NUCKS1: variants seen among roughly 807,000 people sequenced by gnomAD.
NUCKS1 encodes the protein nuclear casein kinase and cyclin dependent kinase substrate 1.
In NUCKS1, 2 loss-of-function variants were observed where a neutral mutation model predicts 33.0. The ratio of observed to expected loss-of-function variants is 0.06; its 90% confidence interval spans 0.02 to 0.19. The LOEUF (loss-of-function observed/expected upper bound fraction) is 0.19, where lower values mean the gene tolerates loss of function less well. Among genes scored for constraint, NUCKS1 ranks in the 10% least tolerant of loss-of-function variants. The pLI, the probability that NUCKS1 is intolerant of heterozygous loss-of-function variation, is 1.00. For missense variants in NUCKS1, 201 were observed against 293.6 expected, an observed-to-expected ratio of 0.68 and a Z score of 2.31; for synonymous variants, 106 against 102.8, an observed-to-expected ratio of 1.03 and a Z score of -0.19.
In NUCKS1 at chr1:205,750,130, C is replaced by T. The variant is rs1654471907; in HGVS notation, c.-157G>A. 3.9e-6 allele frequency: 3 copies of T among 766,816 alleles called. No homozygotes were observed. Among genetic ancestry groups the T allele is most frequent in the Non-Finnish European group, 6.5e-6 (3 of 461,838 alleles). The allele number at this position is 766,816 out of a possible 1,614,324, so 47.5% of individuals were successfully genotyped here. A position where few individuals can be genotyped will look rare whatever the true frequency, so the allele number is the denominator to read the frequency against. On this transcript the variant is annotated 5_prime_UTR_variant, in exon 1 of 7. Coordinates refer to ENST00000367142, the MANE Select transcript of NUCKS1 (RefSeq NM_022731.5). ...TCTCAAACTCCGCTGCTCTTTGGTT[C>T]AGGGCTCCTGGAACAGACGAGCCCC...
intron 1 of NUCKS1, among the ~76,000 whole-genome samples, chr1:205,735,488 C>T (rs1654012036): frequency 6.6e-6 from 1 of 152,148 alleles, no homozygotes; most frequent in African/African-American, 2.4e-5. Context: ...ACTAACTCTT[C>T]AATGTAAAAT....
At chr1:205,732,908 C>T (rs1025050310) in intron 1 of NUCKS1, among the ~76,000 whole-genome samples, 1 of 151,606 alleles carries the variant, frequency 6.6e-6, no homozygotes, top group African/African-American at 2.4e-5. Flanking sequence ...TATGGAAATG[C>T]CTGCCATGTT....
rs1447741869 is a variant in NUCKS1 at position 205,723,993 on chromosome 1, G to C, written c.174-12C>G. The C allele has an allele frequency of 2.5e-6, 4 of 1,606,116 alleles. No homozygotes were observed. The South Asian group carries it at 4.4e-5, about 18-fold the overall frequency. On this transcript the variant is annotated splice_polypyrimidine_tract_variant and intron_variant, in intron 3 of 6. Coordinates refer to ENST00000367142, the MANE Select transcript of NUCKS1 (RefSeq NM_022731.5). ...CTTCTGAGTCCTCACTATAAAGGGA[G>C]GCAAAAAAGCAAATGCATAAAAGTC...
intron 3 of NUCKS1, 180 bp from the exon 4 acceptor site, chr1:205,724,161 A>T (rs1030817562): frequency 1.6e-6 from 1 of 636,724 alleles, no homozygotes; most frequent in Non-Finnish European, 2.9e-6. Context: ...GAATAAGCAC[A>T]ATTTTATTTA....
intron 1 of NUCKS1, among the ~76,000 whole-genome samples, chr1:205,745,807 A>G (rs1221987847): frequency 6.6e-6 from 1 of 152,206 alleles, no homozygotes; most frequent in Non-Finnish European, 1.5e-5. Context: ...GGTGATAAAG[A>G]AAAATACTTG....
In NUCKS1 at chr1:205,749,854, G is replaced by A; in HGVS notation, c.17+103C>T. ...GGCCCCGAAAGGGAGGAGGCCGCGCGCGGCACCGGGGATGGCGGACTCTAG... is the reference window on the plus strand; with the variant it reads ...GGCCCCGAAAGGGAGGAGGCCGCGCACGGCACCGGGGATGGCGGACTCTAG... On this transcript the variant is annotated intron_variant, in intron 1 of 6. Transcript: ENST00000367142. 8 of 1,282,974 alleles carry A rather than the reference G, an allele frequency of 6.2e-6. No individual in the cohort carries two copies. The South Asian group carries it at 9.0e-5, about 14-fold the overall frequency. The allele number at this position is 1,282,974 out of a possible 1,614,324, so 79.5% of individuals were successfully genotyped here.
At chr1:205,748,714 G>A (rs999250025) in intron 1 of NUCKS1, among the ~76,000 whole-genome samples, 1 of 152,060 alleles carries the variant, frequency 6.6e-6, no homozygotes, top group South Asian at 2.1e-4. Context: ...CCCTTGCCAG[G>A]GTCCCAAACC....
rs577056537 is a variant in NUCKS1, at chr1:205,740,823, A to ATATATATATATATACTTAGTATG, written c.17+9133_17+9134insCATACTAAGTATATATATATATA. 9.2e-4 allele frequency among the ~76,000 whole-genome samples: 8 copies of ATATATATATATATACTTAGTATG among 8,724 alleles called. No individual in the cohort carries two copies. In the Non-Finnish European group the frequency reaches 0.013, roughly 14 times the overall value. The allele number at this position is 8,724 out of a possible 152,430, so 5.7% of individuals were successfully genotyped here. A position where few individuals can be genotyped will look rare whatever the true frequency, so the allele number is the denominator to read the frequency against. ...ACTAGATCACAATCTCCTACTAAGT[A>ATATATATATATATACTTAGTATG]TATATATATATATATACTTAGTATG... On this transcript the variant is annotated intron_variant, in intron 1 of 6. Transcript: ENST00000367142.
chr1:205,727,645 T>C, intron 3 of NUCKS1, 55 bp downstream of exon 3: 9 of 1,146,412 alleles, frequency 7.9e-6, no homozygotes, highest in Non-Finnish European at 1.2e-5. Flanking sequence ...CAGAGACTGC[T>C]CTCATCTCAG....
At chr1:205,728,911 AT>A (rs1373520324) in intron 2 of NUCKS1, among the ~76,000 whole-genome samples, 2 of 151,862 alleles carry the variant, frequency 1.3e-5, no homozygotes, top group Non-Finnish European at 2.9e-5. Context: ...ACAGCAGGAG[AT>A]TTTTTTTCCC....
In NUCKS1 at chr1:205,749,964, G is replaced by C; in HGVS notation, c.10C>G (p.Pro4Ala). MSRPVRNRKVVDYS... is the reference protein window; with the variant it reads MSRAVRNRKVVDYS... ...CTCAGACTCCGCACTGACCTGACAG[G>C]CCGCGACATGTTCGCTGTCGAAACA... The change falls in exon 1 of 7, where the codon CCT (proline) becomes GCT (alanine). Residue 4 changes from proline (P) to alanine (A), a missense_variant. Pro to Ala is a conservative substitution (Grantham distance 27). Transcript: ENST00000367142. 6.2e-7 allele frequency: 1 copy of C among 1,609,432 alleles called. No homozygotes were observed. The highest frequency in any genetic ancestry group is 8.5e-7 in the Non-Finnish European group (1 of 1,177,776).
At chr1:205,742,429 G>A (rs1231952400) in intron 1 of NUCKS1, among the ~76,000 whole-genome samples, 1 of 152,162 alleles carries the variant, frequency 6.6e-6, no homozygotes, top group Non-Finnish European at 1.5e-5. Flanking sequence ...ACTGTATAAC[G>A]ATTAGTTTCA....
chr1:205,747,789 C>T (rs1654367949), intron 1 of NUCKS1, among the ~76,000 whole-genome samples: 1 of 152,116 alleles, frequency 6.6e-6, no homozygotes, highest in African/African-American at 2.4e-5. Flanking sequence ...ATAGATTCTT[C>T]AATTATACTT....
At position 205,720,417 on chromosome 1, in the gene NUCKS1, C is replaced by T. The variant is rs958727618; in HGVS notation, c.382+84G>A. The T allele has an allele frequency of 7.9e-6, 11 of 1,398,602 alleles. No homozygotes were observed. The East Asian group carries it at 9.2e-5, about 12-fold the overall frequency. 86.6% of individuals were successfully genotyped at this position (1,398,602 alleles called of 1,614,324 possible). A position where few individuals can be genotyped will look rare whatever the true frequency, so the allele number is the denominator to read the frequency against. ...TTAAGGGACTGGTTGTAACATTTAG[C>T]ATCCTAGAAAATGCCAAAGTAACCA... On this transcript the variant is annotated intron_variant, in intron 5 of 6. Coordinates refer to ENST00000367142, the MANE Select transcript of NUCKS1 (RefSeq NM_022731.5).
chr1:205,741,359 G>A (rs1264974250), intron 1 of NUCKS1, among the ~76,000 whole-genome samples: 2 of 150,642 alleles, frequency 1.3e-5, no homozygotes, highest in African/African-American at 4.9e-5. Flanking sequence ...AAATTTCAAT[G>A]AGCATAAGAT....
chr1:205,741,558 T>C (rs1331799992), intron 1 of NUCKS1, among the ~76,000 whole-genome samples: 1 of 152,102 alleles, frequency 6.6e-6, no homozygotes, highest in East Asian at 1.9e-4. Context: ...TGTAACTCAA[T>C]CGCTAGGGAC....
rs60866378 is a variant in NUCKS1, at chr1:205,739,997, G to GTTTTTTTTTTTTT, written c.17+9947_17+9959dup. Among the ~76,000 whole-genome samples the GTTTTTTTTTTTTT allele has an allele frequency of 9.8e-5, 8 of 81,764 alleles. 1 individual carries two copies. Among genetic ancestry groups the GTTTTTTTTTTTTT allele is most frequent in the East Asian group, 4.2e-4 (1 of 2,388 alleles). The allele number at this position is 81,764 out of a possible 152,430, so 53.6% of individuals were successfully genotyped here. ...TACATCATCCTGCTATTTACTTTAG[G>GTTTTTTTTTTTTT]TTTTTTTTTTTTTTTTTTTTTGAGA... is the stretch of plus-strand genomic sequence containing the variant. On this transcript the variant is annotated intron_variant, in intron 1 of 6. Transcript: ENST00000367142.
chr1:205,735,526 A>G (rs1654012630), intron 1 of NUCKS1, among the ~76,000 whole-genome samples: 1 of 152,232 alleles, frequency 6.6e-6, no homozygotes, highest in Non-Finnish European at 1.5e-5. Flanking sequence ...ACTGGAGGAC[A>G]GCATAAAATT....
chr1:205,747,387 G>A (rs1440211647), intron 1 of NUCKS1, among the ~76,000 whole-genome samples: 2 of 151,996 alleles, frequency 1.3e-5, no homozygotes, highest in African/African-American at 4.8e-5. Flanking sequence ...TTTAACAGTC[G>A]GCCACTGCAA....
Sources: gnomAD v4.1 joint callset for allele counts (sites outside exome capture counted in the v4.1 genomes callset) on GRCh38, gnomAD v4.1.1 for gene constraint, MANE v1.5 for transcripts, NCBI Gene and HGNC (gene_info 2026-07-23, HGNC 2026-07-21) for gene names.